Variants in DOCK8 observed in about 807,000 individuals in gnomAD.
DOCK8 encodes the protein dedicator of cytokinesis protein 8.
Under a neutral mutation model 245.6 loss-of-function variants are expected in DOCK8, and 141 were observed. That is an observed-to-expected ratio of 0.57 (90% confidence interval 0.50 to 0.66). The LOEUF is 0.66. Among genes scored for constraint, DOCK8 ranks in the 30% least tolerant of loss-of-function variants. The probability of loss-of-function intolerance (pLI) is 0.00; values close to 1 mark genes in which losing one functional copy is unlikely to be tolerated. For missense variants in DOCK8, 2,965 were observed against 2,603.4 expected (o/e 1.14, Z -3.02); for synonymous variants, 1,168 against 970.2 (o/e 1.20, Z -3.79).
chr9:218,029 GTTCTGT>G (rs2046800230), intron 1 of DOCK8, among the ~76,000 whole-genome samples: 1 of 152,162 alleles, frequency 6.6e-6, no homozygotes, highest in South Asian at 2.1e-4. Context: ...TTGGCAAAGT[GTTCTGT>G]TTCTGATTAG....
At chr9:309,994 G>A (rs1452081899) in intron 5 of DOCK8, among the ~76,000 whole-genome samples, 1 of 152,156 alleles carries the variant, frequency 6.6e-6, no homozygotes, top group Non-Finnish European at 1.5e-5. Flanking sequence ...GTGGCCAAGC[G>A]TGGTGGCTCA....
At chr9:326,814 T>C (rs2050785262) in intron 8 of DOCK8, among the ~76,000 whole-genome samples, 1 of 152,168 alleles carries the variant, frequency 6.6e-6, no homozygotes, top group Admixed American at 6.5e-5. Context: ...GTTTGATACA[T>C]TGCTTCTGCT....
At chr9:219,145 T>C (rs1386790795) in intron 1 of DOCK8, among the ~76,000 whole-genome samples, 1 of 152,222 alleles carries the variant, frequency 6.6e-6, no homozygotes, top group Non-Finnish European at 1.5e-5. Context: ...TGCTAAGAAC[T>C]TTATATACCT....
chr9:339,461 C>T (rs1407837340), intron 13 of DOCK8, among the ~76,000 whole-genome samples: 1 of 152,144 alleles, frequency 6.6e-6, no homozygotes, highest in Non-Finnish European at 1.5e-5. Context: ...TATCCTCACT[C>T]GGCAGCCCTG....
intron 1 of DOCK8, among the ~76,000 whole-genome samples, chr9:230,487 C>A (rs906507428): frequency 6.6e-6 from 1 of 152,104 alleles, no homozygotes; most frequent in African/African-American, 2.4e-5. Context: ...CTGACTTCCA[C>A]AATGGTTGAA....
chr9:212,736 A>T (rs947625595), upstream of DOCK8: 1 of 152,246 alleles, frequency 6.6e-6, no homozygotes, highest in Admixed American at 6.5e-5. Context: ...AATCTATTGC[A>T]GTATGATCTG....
At chr9:309,164 G>A (rs191580309) in intron 5 of DOCK8, among the ~76,000 whole-genome samples, 1 of 152,142 alleles carries the variant, frequency 6.6e-6, no homozygotes, top group East Asian at 1.9e-4. Flanking sequence ...CTAGATTAAG[G>A]GATGAGTAAT....
chr9:262,036 A>AAAGG (rs71312797), intron 1 of DOCK8, among the ~76,000 whole-genome samples: 1 of 151,842 alleles, frequency 6.6e-6, no homozygotes, highest in Non-Finnish European at 1.5e-5. Context: ...AGAAAGAAAG[A>AAAGG]CACCGCGATT....
At chr9:315,730 G>C (rs905573654) in intron 6 of DOCK8, among the ~76,000 whole-genome samples, 3 of 152,056 alleles carry the variant, frequency 2.0e-5, no homozygotes, top group African/African-American at 7.2e-5. Flanking sequence ...CTAGATGATG[G>C]GTGAATGGTT....
chr9:248,150 C>T (rs1429635951), intron 1 of DOCK8, among the ~76,000 whole-genome samples: 1 of 152,232 alleles, frequency 6.6e-6, no homozygotes, highest in African/African-American at 2.4e-5. Flanking sequence ...AACAGCATCT[C>T]TGAGGTGTCA....
intron 14 of DOCK8, among the ~76,000 whole-genome samples, chr9:354,519 T>C (rs1563956237): frequency 6.6e-6 from 1 of 152,222 alleles, no homozygotes; most frequent in Non-Finnish European, 1.5e-5. Flanking sequence ...AAAACAACAG[T>C]CATTATCTCA....
intron 28 of DOCK8, among the ~76,000 whole-genome samples, chr9:411,839 A>G (rs539331887): frequency 7.2e-5 from 11 of 152,314 alleles, no homozygotes; most frequent in African/African-American, 2.6e-4. Context: ...AAACCCATAC[A>G]ATCATCTTAG....
At chr9:397,753 T>C (rs886608414) in intron 25 of DOCK8, among the ~76,000 whole-genome samples, 1 of 152,160 alleles carries the variant, frequency 6.6e-6, no homozygotes, top group Non-Finnish European at 1.5e-5. Context: ...TGAAGTGTTA[T>C]GGGGTAAATG....
intron 1 of DOCK8, among the ~76,000 whole-genome samples, chr9:224,717 T>C (rs978233161): frequency 6.6e-6 from 1 of 152,136 alleles, no homozygotes; most frequent in Admixed American, 6.5e-5. Context: ...GAAATTACAC[T>C]TGGGGTCTGT....
intron 26 of DOCK8, among the ~76,000 whole-genome samples, chr9:400,049 C>T (rs1172817806): frequency 1.7e-5 from 2 of 114,850 alleles, no homozygotes; most frequent in Admixed American, 8.2e-5. Context: ...ACCACCTCCA[C>T]CATCACCACC....
At chr9:221,619 C>G (rs2046883525) in intron 1 of DOCK8, among the ~76,000 whole-genome samples, 1 of 151,012 alleles carries the variant, frequency 6.6e-6, no homozygotes, top group Non-Finnish European at 1.5e-5. Flanking sequence ...TGAGACCAGC[C>G]TGGCCAACAT....
At chr9:429,962 C>T (rs2056649326) in intron 36 of DOCK8, 108 bp downstream of exon 36, 1 of 1,359,434 alleles carries the variant, frequency 7.4e-7, no homozygotes, top group East Asian at 2.5e-5. Context: ...CAGTTTACTT[C>T]TGTCCTGTGA....
intron 1 of DOCK8, among the ~76,000 whole-genome samples, chr9:232,919 T>A (rs1328895128): frequency 6.6e-6 from 1 of 152,220 alleles, no homozygotes; most frequent in African/African-American, 2.4e-5. Context: ...TGATCTTAGT[T>A]ATTTCTTGCC....
intron 10 of DOCK8, among the ~76,000 whole-genome samples, chr9:333,411 C>G (rs867991906): frequency 1.3e-5 from 2 of 152,138 alleles, no homozygotes; most frequent in South Asian, 2.1e-4. Flanking sequence ...ACCATCCTGG[C>G]CAACACGGTG....
Sources: allele counts gnomAD v4.1 joint callset (sites outside exome capture counted in the v4.1 genomes callset), GRCh38; gene constraint gnomAD v4.1.1; transcripts MANE v1.5; gene names NCBI Gene and HGNC (gene_info 2026-07-23, HGNC 2026-07-21).